PCGF3: variants seen among roughly 807,000 people sequenced by gnomAD.
The protein encoded by PCGF3 is polycomb group RING finger protein 3.
PCGF3 carries 7 observed loss-of-function variants against 33.1 expected under a neutral mutation model. That is an observed-to-expected ratio of 0.21 (90% CI 0.12 to 0.40). PCGF3 has a LOEUF of 0.40. Ranked by LOEUF, PCGF3 falls within the 10% of genes least tolerant of loss-of-function variation. The probability of loss-of-function intolerance (pLI) is 1.00; values close to 1 mark genes in which losing one functional copy is unlikely to be tolerated. For synonymous variants in PCGF3, 153 were observed against 121.3 expected, an observed-to-expected ratio of 1.26 and a Z score of -1.72; for missense variants, 211 against 313.3, an observed-to-expected ratio of 0.67 and a Z score of 2.46.
intron 3 of PCGF3, among the ~76,000 whole-genome samples, chr4:731,497 C>G (rs534122957): frequency 6.0e-5 from 9 of 150,542 alleles, no homozygotes; most frequent in Admixed American, 5.9e-4. Flanking sequence ...CTCTCCCCTC[C>G]CGGGTGCTCT....
chr4:706,251 A>T (rs1250498949), intron 1 of PCGF3, among the ~76,000 whole-genome samples: 1 of 143,478 alleles, frequency 7.0e-6, no homozygotes, highest in Non-Finnish European at 1.5e-5. Flanking sequence ...CCTAGGCAGG[A>T]CGCAGGGAGG....
intron 9 of PCGF3, among the ~76,000 whole-genome samples, chr4:764,060 G>A (rs542207558): frequency 3.4e-4 from 51 of 152,212 alleles, no homozygotes; most frequent in African/African-American, 8.2e-4. Flanking sequence ...AGGAGTGGGC[G>A]GGCACAGGGC....
At chr4:732,365 C>CCTTCTCCTTCCCCTCCCCTCT (rs1743627752) in intron 3 of PCGF3, 10 of 157,136 alleles carry the variant, frequency 6.4e-5, no homozygotes, top group African/African-American at 2.2e-4. Context: ...CCCTCCCCTC[C>CCTTCTCCTTCCCCTCCCCTCT]CTTCTCCTTC....
At chr4:768,323 C>T (rs1457150632) in exon 11 of PCGF3, 1 of 152,558 alleles carries the variant, frequency 6.6e-6, no homozygotes, top group Non-Finnish European at 1.5e-5. Context: ...CAGCCTTAGT[C>T]GTTGGAGGCT....
chr4:719,554 G>A (rs1742991999), intron 1 of PCGF3, among the ~76,000 whole-genome samples: 1 of 152,270 alleles, frequency 6.6e-6, no homozygotes, highest in Admixed American at 6.5e-5. Context: ...AGCTGTGTGT[G>A]TCTGTGGTGC....
chr4:723,148 C>T (rs1398443022), intron 1 of PCGF3, among the ~76,000 whole-genome samples: 1 of 151,760 alleles, frequency 6.6e-6, no homozygotes, highest in African/African-American at 2.4e-5. Flanking sequence ...CAGTCATCGC[C>T]GTCCGCGCCG....
chr4:766,077 TG>T lies in PCGF3; in HGVS notation c.728del (p.Ter243=). ...CTACAGACCCAAGATGGACTTGCTG[TG>T]AATGGTGCCACACAGCGCCCACAGA... is the stretch of plus-strand genomic sequence containing the variant. On this transcript the variant is annotated frameshift_variant and stop_lost, in exon 11 of 11. Coordinates refer to ENST00000362003, the Ensembl canonical transcript of PCGF3. LOFTEE classifies it high-confidence loss of function. 1 of 1,614,042 alleles carries T rather than the reference TG, an allele frequency of 6.2e-7. No homozygotes were observed. The highest frequency in any genetic ancestry group is 8.5e-7 in the Non-Finnish European group (1 of 1,179,936).
In PCGF3 at chr4:744,616, C is replaced by G. The variant is rs1386368450; in HGVS notation, c.390C>G (p.Asp130Glu). 3.2e-6 allele frequency: 5 copies of G among 1,558,462 alleles called. No individual in the cohort carries two copies. The South Asian group carries it at 3.5e-5, about 11-fold the overall frequency. Residue 130 changes from aspartate (D) to glutamate (E), a missense_variant, in exon 8 of 11, where the codon GAC becomes GAG. Physicochemically the swap from Asp to Glu is conservative, Grantham distance 45. Transcript: ENST00000362003. ...TGCTAAAAGGTGAAACCAAAGCAGACGACAGTTCAAACAAAGAGGCCGCGG... is the reference window on the plus strand; with the variant it reads ...TGCTAAAAGGTGAAACCAAAGCAGAGGACAGTTCAAACAAAGAGGCCGCGG...
chr4:729,414 CAA>C (rs35325787), intron 1 of PCGF3, among the ~76,000 whole-genome samples: 6 of 139,098 alleles, frequency 4.3e-5, no homozygotes, highest in Non-Finnish European at 4.7e-5. Flanking sequence ...GATCCTGTCT[CAA>C]AAAAAAAAAA....
chr4:769,451 G>A (rs1745526229), exon 11 of PCGF3: 1 of 152,688 alleles, frequency 6.5e-6, no homozygotes, highest in Admixed American at 6.5e-5. Context: ...TGTTTCCTCA[G>A]GAAGTCATTA....
chr4:722,753 GC>G (rs1743155709), intron 1 of PCGF3, among the ~76,000 whole-genome samples: 2 of 69,666 alleles, frequency 2.9e-5, no homozygotes, highest in Non-Finnish European at 5.3e-5. Flanking sequence ...GTCCACACTC[GC>G]GACATCGCCA....
chr4:735,783 C>G (rs189903082), intron 5 of PCGF3, among the ~76,000 whole-genome samples: 160 of 152,320 alleles, frequency 1.1e-3, no homozygotes, highest in African/African-American at 3.7e-3. Flanking sequence ...AGGGTCACAG[C>G]GAGCCTGGAC....
At chr4:744,679 C>A in exon 8 of PCGF3, 1 of 1,553,200 alleles carries the variant, frequency 6.4e-7, no homozygotes, top group Non-Finnish European at 8.7e-7. Context: ...ACCACCGCAG[C>A]GACGAGCAGG....
intron 8 of PCGF3, among the ~76,000 whole-genome samples, chr4:758,541 C>G (rs191430616): frequency 7.6e-6 from 1 of 132,080 alleles, no homozygotes; most frequent in Non-Finnish European, 1.6e-5. Context: ...GCCCCTCTCC[C>G]GAGTTCTCCC....
chr4:760,579 A>G (rs1473570820), intron 8 of PCGF3, among the ~76,000 whole-genome samples: 1 of 152,106 alleles, frequency 6.6e-6, no homozygotes, highest in African/African-American at 2.4e-5. Context: ...CCCCCTGTCC[A>G]TTCTTCCACT....
rs1041883910 is a variant in PCGF3, at chr4:742,031, G to A, written c.263-1443G>A. ...TTCAAGCTGCTCTCAGATTCTCCAGGCTAATCTTTCAGCATTTCCCTTGTG... is the reference window on the plus strand; with the variant it reads ...TTCAAGCTGCTCTCAGATTCTCCAGACTAATCTTTCAGCATTTCCCTTGTG... On this transcript the variant is annotated intron_variant, in intron 6 of 10. Transcript: ENST00000362003. 8.5e-5 allele frequency among the ~76,000 whole-genome samples: 13 copies of A among 152,152 alleles called. 2 individuals carry two copies. Among genetic ancestry groups the A allele is most frequent in the Admixed American group, 6.5e-5 (1 of 15,272 alleles).
At position 733,786 on chromosome 4, in the gene PCGF3, A is replaced by G. The variant is rs1015568099; in HGVS notation, c.106A>G (p.Thr36Ala). 6.2e-7 allele frequency: 1 copy of G among 1,613,580 alleles called. No homozygotes were observed. The highest frequency in any genetic ancestry group is 8.5e-7 in the Non-Finnish European group (1 of 1,179,986). The change falls in exon 4 of 11, where the codon ACC (threonine) becomes GCC (alanine). Residue 36 changes from threonine (T) to alanine (A), a missense_variant. Physicochemically the swap from Thr to Ala is moderately conservative, Grantham distance 58. Coordinates refer to ENST00000362003, the Ensembl canonical transcript of PCGF3. ...CACCACGGTGACCGAGTGTCTGCAC[A>G]CCTGTACGTGCCCTGCCCGCGCCAC...
intron 3 of PCGF3, chr4:731,440 G>A (rs1424872852): frequency 5.8e-6 from 2 of 344,996 alleles, no homozygotes; most frequent in African/African-American, 2.1e-5. Context: ...TGAGGCGGTC[G>A]GCTAGCATCC....
chr4:734,071 G>T (rs1291217700), intron 4 of PCGF3: 2 of 1,550,610 alleles, frequency 1.3e-6, no homozygotes, highest in African/African-American at 2.7e-5. Context: ...TAGCCGCTGT[G>T]ACAGTGCTCA....
Sources: allele counts gnomAD v4.1 joint callset (sites outside exome capture counted in the v4.1 genomes callset), GRCh38; gene constraint gnomAD v4.1.1; transcripts MANE v1.5; gene names NCBI Gene and HGNC (gene_info 2026-07-23, HGNC 2026-07-21).